The following PDCD11 variants were observed in gnomAD, a reference collection of about 807,000 sequenced individuals.
PDCD11 encodes the protein programmed cell death 11.
PDCD11 carries 97 observed loss-of-function variants against 198.9 expected under a neutral mutation model. The observed-to-expected ratio is 0.49, with a 90% CI of 0.41 to 0.58. PDCD11 has a LOEUF of 0.58. PDCD11 is among the 20% of genes least tolerant of loss of function. The probability of loss-of-function intolerance (pLI) is 0.00; values close to 1 mark genes in which losing one functional copy is unlikely to be tolerated. For missense variants in PDCD11, 2,102 were observed against 2,312.7 expected (o/e 0.91, Z 1.87); for synonymous variants, 893 against 918.0 (o/e 0.97, Z 0.49).
Position 103,427,288 on chromosome 10 carries a change from C to G in PDCD11, c.3306-41C>G, listed in dbSNP as rs919629472. 4.5e-6 allele frequency: 7 copies of G among 1,556,000 alleles called. No homozygotes were observed. In the Admixed American group the frequency reaches 1.2e-4, roughly 26 times the overall value. On this transcript the variant is annotated intron_variant, in intron 20 of 35. Transcript: ENST00000369797. ...TCCTGACCTACAGATTACTGTGTTA[C>G]AGAGATGAAGAGAAATGATTCAGCT... is the stretch of plus-strand genomic sequence containing the variant.
In PDCD11 at chr10:103,419,594, G is replaced by A; in HGVS notation, c.2163G>A (p.Lys721=). The part of the protein sequence containing the change: ...VSTVEGGQDP[K]NFSEIHPGML... ...CAGTAGAAGGTGGCCAGGATCCCAA[G>A]AACTTCTCAGAAATCCATCCTGGAA... Residue 721 remains lysine (K), a synonymous_variant, in exon 16 of 36, where the codon AAG becomes AAA. Transcript: ENST00000369797. The A allele has an allele frequency of 6.2e-7, 1 of 1,614,118 alleles. No individual in the cohort carries two copies.
At chr10:103,425,714 C>T (rs1301434955) in intron 20 of PDCD11, among the ~76,000 whole-genome samples, 189 bp downstream of exon 20, 2 of 152,012 alleles carry the variant, frequency 1.3e-5, no homozygotes, top group South Asian at 2.1e-4. Context: ...GAGTCTCACT[C>T]TGTTGCCCAG....
At position 103,445,380 on chromosome 10, in the gene PDCD11, A is replaced by G. The variant is rs139402445; in HGVS notation, c.5447A>G (p.Asp1816Gly). Residue 1816 changes from aspartate to glycine, a missense_variant and splice_region_variant, in exon 36 of 36, where the codon GAC becomes GGC. Coordinates refer to ENST00000369797, the MANE Select transcript of PDCD11 (RefSeq NM_014976.2). ...IKHGSQKDVRDIFERVIHLSL... is the reference protein window; with the variant it reads ...IKHGSQKDVRGIFERVIHLSL... ...GCCACTCTGCTTTTCCTCAACAGGG[A>G]CATCTTTGAGCGGGTCATTCATCTG... 2 of 1,614,014 alleles carry G rather than the reference A, an allele frequency of 1.2e-6. No individual in the cohort carries two copies. Among genetic ancestry groups the G allele is most frequent in the African/African-American group, 2.7e-5 (2 of 74,928 alleles).
chr10:103,410,518 A>G (rs1218849476), intron 8 of PDCD11, among the ~76,000 whole-genome samples: 2 of 152,102 alleles, frequency 1.3e-5, no homozygotes, highest in Non-Finnish European at 2.9e-5. Flanking sequence ...AAAATTTTAA[A>G]AAGTACCTCT....
rs774635511 is a variant in PDCD11, at chr10:103,409,843, T to C, written c.978+37T>C. ...TGAGCCTATATTTTCTTGATTCCAG[T>C]TGTGGTCCATTTGCTGTCCAGTATC... On this transcript the variant is annotated intron_variant, in intron 8 of 35. Coordinates refer to ENST00000369797, the MANE Select transcript of PDCD11 (RefSeq NM_014976.2). The C allele has an allele frequency of 6.8e-6, 10 of 1,481,304 alleles. No individual in the cohort carries two copies. In the Middle Eastern group the frequency reaches 5.2e-4, roughly 76 times the overall value. 91.8% of individuals were successfully genotyped at this position (1,481,304 alleles called of 1,614,324 possible).
intron 21 of PDCD11, among the ~76,000 whole-genome samples, chr10:103,430,900 G>GTGA (rs2031905643): frequency 6.6e-6 from 1 of 151,908 alleles, no homozygotes; most frequent in South Asian, 2.1e-4. Context: ...CTGGGTTGAA[G>GTGA]TGATTCTCCT....
intron 24 of PDCD11, 169 bp downstream of exon 24, chr10:103,434,519 A>T (rs2032069246): frequency 1.6e-6 from 1 of 608,708 alleles, no homozygotes; most frequent in East Asian, 2.7e-5. Context: ...GCTCTGGCCC[A>T]GTTACTCCAC....
At chr10:103,406,130 A>G in intron 6 of PDCD11, 22 bp downstream of exon 6, 1 of 1,612,790 alleles carries the variant, frequency 6.2e-7, no homozygotes. Context: ...AAAAGGGGCC[A>G]GTACATGGTG....
At position 103,416,523 on chromosome 10, in the gene PDCD11, G is replaced by T; in HGVS notation, c.1551G>T (p.Leu517=). Reference sequence around the variant, plus strand: ...TTTGTGACCCTGAAGCCAAGAAGCTGATGATGACCCTGAAAAAAACCCTGA... The same window carrying T: ...TTTGTGACCCTGAAGCCAAGAAGCTTATGATGACCCTGAAAAAAACCCTGA... The part of the protein sequence containing the change: ...VLLCDPEAKK[L]MMTLKKTLIE... Residue 517 remains leucine (L), a synonymous_variant, in exon 13 of 36, where the codon CTG becomes CTT. Transcript: ENST00000369797. 1 of 1,614,168 alleles carries T rather than the reference G, an allele frequency of 6.2e-7. No individual in the cohort carries two copies. The highest frequency in any genetic ancestry group is 8.5e-7 in the Non-Finnish European group (1 of 1,180,004).
chr10:103,431,165 C>T (rs1454043168), intron 21 of PDCD11, among the ~76,000 whole-genome samples: 3 of 151,924 alleles, frequency 2.0e-5, no homozygotes, highest in African/African-American at 4.8e-5. Context: ...TTACTTGTAC[C>T]AGTTTGGTTC....
Position 103,425,102 on chromosome 10 carries a change from A to G in PDCD11, c.2882A>G (p.Asp961Gly). ...TTCTCCCTGACCTCTCACCTCAACG[A>G]CACCTTCCGCTTTGACTCAGAGAAA... The part of the protein sequence containing the change: ...AAFSLTSHLN[D>G]TFRFDSEKLQ... The change falls in exon 20 of 36, where the codon GAC (aspartate) becomes GGC (glycine). Residue 961 changes from aspartate (D) to glycine (G), a missense_variant. Asp to Gly is a moderately conservative substitution (Grantham distance 94). Coordinates refer to ENST00000369797, the MANE Select transcript of PDCD11 (RefSeq NM_014976.2). The G allele has an allele frequency of 1.2e-6, 2 of 1,614,136 alleles. No homozygotes were observed. Among genetic ancestry groups the G allele is most frequent in the Non-Finnish European group, 1.7e-6 (2 of 1,180,014 alleles).
At chr10:103,428,361 T>C (rs2031789638) in intron 21 of PDCD11, among the ~76,000 whole-genome samples, 1 of 151,608 alleles carries the variant, frequency 6.6e-6, no homozygotes, top group African/African-American at 2.4e-5. Flanking sequence ...TTTCAGATGC[T>C]AATAACACTT....
At chr10:103,421,973 CAAAAAAAAAAAAAAAAAAA>C (rs1367254479) in intron 17 of PDCD11, among the ~76,000 whole-genome samples, 1 of 26,184 alleles carries the variant, frequency 3.8e-5, no homozygotes, top group Non-Finnish European at 8.1e-5. Context: ...GACTCCGTCT[CAAAAAAAAAAAAAAAAAAA>C]GAAAAAAAAA....
At position 103,406,109 on chromosome 10, in the gene PDCD11, G is replaced by A. The variant is rs1172597040; in HGVS notation, c.688+1G>A. The A allele has an allele frequency of 6.2e-6, 10 of 1,614,074 alleles. No homozygotes were observed. The highest frequency in any genetic ancestry group is 1.3e-5 in the African/African-American group (1 of 75,042). On this transcript the variant is annotated splice_donor_variant, in intron 6 of 35. Transcript: ENST00000369797. LOFTEE classifies it high-confidence loss of function. ...GAGTACATCAGACAGAAGAACAAAG[G>A]TGAGGGCAAGAAAAGGGGCCAGTAC...
chr10:103,419,376 A>G (rs2031295049), intron 15 of PDCD11, among the ~76,000 whole-genome samples, 162 bp from the exon 16 acceptor site: 1 of 152,112 alleles, frequency 6.6e-6, no homozygotes, highest in Non-Finnish European at 1.5e-5. Context: ...CATTTCTCCT[A>G]AGTTTCAGGC....
intron 21 of PDCD11, among the ~76,000 whole-genome samples, chr10:103,428,902 T>A (rs891946235): frequency 2.0e-5 from 3 of 152,154 alleles, no homozygotes; most frequent in African/African-American, 7.2e-5. Context: ...CCCAGACAGA[T>A]GGCCAGACAT....
At position 103,425,539 on chromosome 10, in the gene PDCD11, G is replaced by C; in HGVS notation, c.3305+14G>C. On this transcript the variant is annotated intron_variant, in intron 20 of 35. Coordinates refer to ENST00000369797, the MANE Select transcript of PDCD11 (RefSeq NM_014976.2). The stretch of plus-strand genomic sequence containing the variant: ...GAAGACATTCAAGTATGGAGGCTCT[G>C]GGGGTGGGCTGGCTTCGAGGGAGAT... 1 of 1,593,162 alleles carries C rather than the reference G, an allele frequency of 6.3e-7. No individual in the cohort carries two copies. Among genetic ancestry groups the C allele is most frequent in the Non-Finnish European group, 8.6e-7 (1 of 1,164,062 alleles).
In PDCD11 at chr10:103,415,085, C is replaced by G. The variant is rs1167984335; in HGVS notation, c.1452C>G (p.His484Gln). Reference protein sequence around the residue: ...EQMRGLVPPMHLADILMKNPE... With the variant: ...EQMRGLVPPMQLADILMKNPE... ...TGAGGGGCCTGGTACCTCCCATGCACCTGGCTGACATCCTGATGAAGAATC... is the reference window on the plus strand; with the variant it reads ...TGAGGGGCCTGGTACCTCCCATGCAGCTGGCTGACATCCTGATGAAGAATC... Residue 484 changes from histidine (H) to glutamine (Q), a missense_variant, in exon 12 of 36, where the codon CAC becomes CAG. Physicochemically the swap from His to Gln is conservative, Grantham distance 24. Coordinates refer to ENST00000369797, the MANE Select transcript of PDCD11 (RefSeq NM_014976.2). 6.2e-7 allele frequency: 1 copy of G among 1,614,104 alleles called. No individual in the cohort carries two copies. The highest frequency in any genetic ancestry group is 1.1e-5 in the South Asian group (1 of 91,076).
intron 27 of PDCD11, among the ~76,000 whole-genome samples, chr10:103,439,522 G>A (rs748457767): frequency 6.6e-6 from 1 of 152,102 alleles, no homozygotes; most frequent in Non-Finnish European, 1.5e-5. Context: ...TATATATTAT[G>A]ATACCACAGT....
Sources: gnomAD v4.1 joint callset for allele counts (sites outside exome capture counted in the v4.1 genomes callset) on GRCh38, gnomAD v4.1.1 for gene constraint, MANE v1.5 for transcripts, NCBI Gene and HGNC (gene_info 2026-07-23, HGNC 2026-07-21) for gene names.